Variants in CARMIL1 observed in about 807,000 individuals in gnomAD.
CARMIL1 encodes the protein F-actin-uncapping protein LRRC16A.
Under a neutral mutation model 177.1 loss-of-function variants are expected in CARMIL1, and 90 were observed. The observed-to-expected ratio is 0.51, with a 90% CI of 0.43 to 0.61. The LOEUF (loss-of-function observed/expected upper bound fraction) is 0.61, where lower values mean the gene tolerates loss of function less well. Among genes scored for constraint, CARMIL1 ranks in the 20% least tolerant of loss-of-function variants. CARMIL1 has a pLI of 0.00. For synonymous variants in CARMIL1, 577 were observed against 606.2 expected, an observed-to-expected ratio of 0.95 and a Z score of 0.71; for missense variants, 1,380 against 1,667.0, an observed-to-expected ratio of 0.83 and a Z score of 3.00.
intron 2 of CARMIL1, among the ~76,000 whole-genome samples, chr6:25,366,041 C>A (rs1039525864): frequency 6.6e-6 from 1 of 152,096 alleles, no homozygotes; most frequent in East Asian, 1.9e-4. Context: ...CTCTGTTGCT[C>A]AGGCTGGAGT....
chr6:25,597,931 T>G (rs1158800999), intron 32 of CARMIL1, among the ~76,000 whole-genome samples: 2 of 152,240 alleles, frequency 1.3e-5, no homozygotes, highest in Non-Finnish European at 2.9e-5. Context: ...CTCCATTATC[T>G]TCTAGCTTCC....
intron 2 of CARMIL1, among the ~76,000 whole-genome samples, chr6:25,373,796 A>G (rs1350556390): frequency 6.6e-6 from 1 of 151,768 alleles, no homozygotes; most frequent in Admixed American, 6.6e-5. Context: ...TGTTGGCCAG[A>G]ATGGTCTCGA....
intron 32 of CARMIL1, among the ~76,000 whole-genome samples, chr6:25,595,015 A>T (rs796720230): frequency 2.0e-5 from 3 of 152,348 alleles, no homozygotes; most frequent in African/African-American, 7.2e-5. Context: ...GGCATGATTT[A>T]ACAGACAGTG....
intron 11 of CARMIL1, among the ~76,000 whole-genome samples, chr6:25,480,466 C>G (rs1268719571): frequency 6.6e-6 from 1 of 151,576 alleles, no homozygotes; most frequent in African/African-American, 2.4e-5. Context: ...GCAGCTACAT[C>G]AGATTTCTTT....
intron 5 of CARMIL1, among the ~76,000 whole-genome samples, chr6:25,439,486 C>T (rs1330608039): frequency 3.9e-5 from 6 of 152,090 alleles, no homozygotes; most frequent in Non-Finnish European, 5.9e-5. Context: ...CTAGGAAGAG[C>T]CACAAATGGA....
intron 8 of CARMIL1, among the ~76,000 whole-genome samples, chr6:25,456,937 G>A (rs77322318): frequency 2.2e-3 from 333 of 151,608 alleles, no homozygotes; most frequent in South Asian, 0.013. Flanking sequence ...GTTTGCCAAG[G>A]TTGTCCTAAG....
At chr6:25,402,305 C>T (rs1453626454) in intron 2 of CARMIL1, among the ~76,000 whole-genome samples, 1 of 152,098 alleles carries the variant, frequency 6.6e-6, no homozygotes, top group Admixed American at 6.5e-5. Context: ...GAATACGCGT[C>T]AAGGAAGAAA....
At position 25,537,738 on chromosome 6, in the gene CARMIL1, C is replaced by G. The variant is rs1808446969; in HGVS notation, c.2068-117C>G. 3.3e-6 allele frequency: 4 copies of G among 1,214,998 alleles called. No individual in the cohort carries two copies. In the South Asian group the frequency reaches 4.7e-5, roughly 14 times the overall value. 75.3% of individuals were successfully genotyped at this position (1,214,998 alleles called of 1,614,324 possible). ...AGTTAGAAGGGTTTGAGGTTTTCAT[C>G]CTTGTGCATTCTGTGGTTTGCTGAA... On this transcript the variant is annotated intron_variant, in intron 24 of 36. Transcript: ENST00000329474.
intron 2 of CARMIL1, among the ~76,000 whole-genome samples, chr6:25,310,339 A>G (rs1053008787): frequency 1.4e-4 from 22 of 152,352 alleles, no homozygotes; most frequent in African/African-American, 5.3e-4. Context: ...ACCATATCCA[A>G]GCTGCGGCTT....
At chr6:25,566,053 A>G (rs904671681) in intron 29 of CARMIL1, among the ~76,000 whole-genome samples, 10 of 151,970 alleles carry the variant, frequency 6.6e-5, no homozygotes, top group African/African-American at 9.7e-5. Flanking sequence ...GTCAGCCTCA[A>G]TCTCTCTTGT....
At chr6:25,396,991 A>G (rs376298323) in intron 2 of CARMIL1, among the ~76,000 whole-genome samples, 2 of 152,238 alleles carry the variant, frequency 1.3e-5, no homozygotes, top group South Asian at 2.1e-4. Context: ...CAGCTGATTA[A>G]CAATTTTCAT....
At chr6:25,497,793 A>C (rs1803887781) in intron 16 of CARMIL1, among the ~76,000 whole-genome samples, 1 of 152,138 alleles carries the variant, frequency 6.6e-6, no homozygotes, top group Non-Finnish European at 1.5e-5. Flanking sequence ...TTCCCACTTA[A>C]TTTGAGATTC....
In CARMIL1 at chr6:25,415,385, A is replaced by G. The variant is rs73387257; in HGVS notation, c.139-4729A>G. On this transcript the variant is annotated intron_variant, in intron 2 of 36. Coordinates refer to ENST00000329474, the MANE Select transcript of CARMIL1 (RefSeq NM_017640.6). ...CATACCCTGTCAGTGGCCTCTAGAA[A>G]CTTCCTATGGTGACTGTTCTGGAAA... Among the ~76,000 whole-genome samples, 812 of 151,856 alleles carry G rather than the reference A, an allele frequency of 5.3e-3. 6 individuals are homozygous for G. The highest frequency in any genetic ancestry group is 0.018 in the African/African-American group (763 of 41,418).
At chr6:25,324,277 C>G (rs1282550548) in intron 2 of CARMIL1, among the ~76,000 whole-genome samples, 1 of 152,026 alleles carries the variant, frequency 6.6e-6, no homozygotes, top group Non-Finnish European at 1.5e-5. Context: ...TGGGGAGGCC[C>G]TGAATGGTGT....
intron 2 of CARMIL1, among the ~76,000 whole-genome samples, chr6:25,336,494 G>A (rs1786253647): frequency 1.3e-5 from 2 of 152,222 alleles, no homozygotes; most frequent in African/African-American, 4.8e-5. Flanking sequence ...CTAGCTGTGT[G>A]ACGTTGGACA....
At chr6:25,573,642 T>C (rs978643791) in intron 29 of CARMIL1, among the ~76,000 whole-genome samples, 1 of 151,564 alleles carries the variant, frequency 6.6e-6, no homozygotes, top group African/African-American at 2.4e-5. Context: ...TTTTGCTTAG[T>C]GGTAAAACCC....
At chr6:25,462,905 G>A (rs777779019) in intron 8 of CARMIL1, among the ~76,000 whole-genome samples, 6 of 152,182 alleles carry the variant, frequency 3.9e-5, no homozygotes, top group African/African-American at 1.4e-4. Flanking sequence ...ACCCTGCCTA[G>A]TACTAAGGAC....
At chr6:25,354,163 CTTTCT>C (rs1400390256) in intron 2 of CARMIL1, among the ~76,000 whole-genome samples, 1 of 151,758 alleles carries the variant, frequency 6.6e-6, no homozygotes, top group Non-Finnish European at 1.5e-5. Flanking sequence ...TCTGCTGTGG[CTTTCT>C]TTTCTTTTTT....
At chr6:25,425,847 G>A (rs145754576) in intron 3 of CARMIL1, among the ~76,000 whole-genome samples, 206 of 152,164 alleles carry the variant, frequency 1.4e-3, no homozygotes, top group African/African-American at 4.8e-3. Flanking sequence ...TATTGTATTC[G>A]TGTAAATATG....
Sources: allele counts gnomAD v4.1 joint callset (sites outside exome capture counted in the v4.1 genomes callset), GRCh38; gene constraint gnomAD v4.1.1; transcripts MANE v1.5; gene names NCBI Gene and HGNC (gene_info 2026-07-23, HGNC 2026-07-21).